The following CTNND2 variants were observed in gnomAD, a reference collection of about 807,000 sequenced individuals.
The protein encoded by CTNND2 is catenin delta-2.
Under a neutral mutation model 144.4 loss-of-function variants are expected in CTNND2, and 22 were observed. That is an observed-to-expected ratio of 0.15 (90% confidence interval 0.11 to 0.22). The LOEUF (loss-of-function observed/expected upper bound fraction) is 0.22, where lower values mean the gene tolerates loss of function less well. CTNND2 is among the 10% of genes least tolerant of loss of function. The pLI is 1.00. For missense variants in CTNND2, 1,353 were observed against 1,618.8 expected (o/e 0.84, Z 2.82); for synonymous variants, 751 against 695.6 (o/e 1.08, Z -1.25).
intron 3 of CTNND2, among the ~76,000 whole-genome samples, chr5:11,514,178 C>A (rs958472732): frequency 4.3e-4 from 62 of 144,616 alleles, no homozygotes; most frequent in African/African-American, 1.6e-3. Flanking sequence ...CAGCAAGACC[C>A]TGTCTCAGAA....
At chr5:11,366,354 A>G (rs1756975660) in intron 7 of CTNND2, among the ~76,000 whole-genome samples, 1 of 152,188 alleles carries the variant, frequency 6.6e-6, no homozygotes, top group Non-Finnish European at 1.5e-5. Context: ...AAGTGGTGAG[A>G]ATTCTATGAA....
chr5:11,882,463 G>T (rs748000030), intron 1 of CTNND2, among the ~76,000 whole-genome samples: 1 of 151,390 alleles, frequency 6.6e-6, no homozygotes, highest in East Asian at 1.9e-4. Context: ...AAATAATAAG[G>T]GTCTAGTTTA....
At chr5:11,577,388 C>A (rs1317421123) in intron 2 of CTNND2, among the ~76,000 whole-genome samples, 1 of 152,126 alleles carries the variant, frequency 6.6e-6, no homozygotes. Flanking sequence ...AAATAGAATG[C>A]AAAGTAATGC....
chr5:11,327,909 A>C (rs1752695492), intron 9 of CTNND2, among the ~76,000 whole-genome samples: 1 of 152,222 alleles, frequency 6.6e-6, no homozygotes. Context: ...AGGTGTTAAC[A>C]AGTTTAAGTT....
intron 9 of CTNND2, among the ~76,000 whole-genome samples, chr5:11,256,456 C>T (rs1170433600): frequency 6.6e-6 from 1 of 152,130 alleles, no homozygotes; most frequent in Non-Finnish European, 1.5e-5. Context: ...ACAGTAAACT[C>T]CAGAGAGCAG....
intron 16 of CTNND2, among the ~76,000 whole-genome samples, chr5:11,081,096 A>ACACACACACT (rs1749519772): frequency 6.6e-6 from 1 of 151,484 alleles, no homozygotes; most frequent in Non-Finnish European, 1.5e-5. Flanking sequence ...ACACACACAC[A>ACACACACACT]CACACACACA....
intron 2 of CTNND2, among the ~76,000 whole-genome samples, chr5:11,719,466 A>G (rs1388296222): frequency 6.6e-6 from 1 of 152,204 alleles, no homozygotes. Context: ...TCCTAACGCT[A>G]CATAATAAAT....
At chr5:11,391,005 G>A (rs1402705359) in intron 6 of CTNND2, among the ~76,000 whole-genome samples, 1 of 152,156 alleles carries the variant, frequency 6.6e-6, no homozygotes, top group Non-Finnish European at 1.5e-5. Flanking sequence ...CCACAGAGGA[G>A]TCAAAATGTG....
intron 3 of CTNND2, among the ~76,000 whole-genome samples, chr5:11,531,169 A>G (rs138020650): frequency 1.6e-3 from 243 of 152,310 alleles, no homozygotes; most frequent in African/African-American, 5.3e-3. Flanking sequence ...GTGTCTCCAG[A>G]AAAGGACACC....
At chr5:11,757,207 C>T (rs1010760617) in intron 1 of CTNND2, among the ~76,000 whole-genome samples, 1 of 150,880 alleles carries the variant, frequency 6.6e-6, no homozygotes, top group Non-Finnish European at 1.5e-5. Flanking sequence ...ACACACATAA[C>T]AAAAATGTGA....
intron 1 of CTNND2, among the ~76,000 whole-genome samples, chr5:11,875,158 G>T (rs1348551693): frequency 3.9e-5 from 6 of 152,106 alleles, no homozygotes. Context: ...TTTCTAAATT[G>T]TTCAATCATT....
At chr5:11,863,809 A>T (rs376684951) in intron 1 of CTNND2, among the ~76,000 whole-genome samples, 2 of 152,220 alleles carry the variant, frequency 1.3e-5, no homozygotes, top group East Asian at 3.8e-4. Context: ...AGTCTGATGC[A>T]GTGTTGTCTG....
At chr5:11,790,524 G>A (rs1046229933) in intron 1 of CTNND2, among the ~76,000 whole-genome samples, 4 of 152,128 alleles carry the variant, frequency 2.6e-5, no homozygotes, top group African/African-American at 9.7e-5. Flanking sequence ...TAATGACTGA[G>A]TAAGGTAATG....
In CTNND2 at chr5:11,681,464, C is replaced by A. The variant is rs192985909; in HGVS notation, c.174+50672G>T. ...CCCTTTCTCTTTCTTGGTTTGTCTT[C>A]TTCAGCAGCCCTGATCTTGCTATTT... is the stretch of plus-strand genomic sequence containing the variant. On this transcript the variant is annotated intron_variant, in intron 2 of 21. Transcript: ENST00000304623. Among the ~76,000 whole-genome samples, 3 of 152,300 alleles carry A rather than the reference C, an allele frequency of 2.0e-5. No individual in the cohort carries two copies. The East Asian group carries it at 5.8e-4, about 29-fold the overall frequency.
intron 8 of CTNND2, among the ~76,000 whole-genome samples, chr5:11,352,561 C>CA (rs1020510716): frequency 2.6e-5 from 4 of 151,796 alleles, no homozygotes; most frequent in African/African-American, 9.7e-5. Flanking sequence ...TAAACAACAA[C>CA]AAAAAAAATT....
chr5:11,371,893 A>T (rs951370834), intron 7 of CTNND2, among the ~76,000 whole-genome samples: 17 of 152,188 alleles, frequency 1.1e-4, no homozygotes, highest in African/African-American at 4.1e-4. Flanking sequence ...TTCCAGTGTA[A>T]CAGGCCATCT....
intron 18 of CTNND2, among the ~76,000 whole-genome samples, chr5:11,016,777 A>G (rs900946962): frequency 2.0e-5 from 3 of 147,386 alleles, no homozygotes; most frequent in Admixed American, 2.0e-4. Context: ...TCCCCTATAT[A>G]TTTTTTTTTT....
At chr5:11,143,575 C>G (rs1471612986) in intron 12 of CTNND2, among the ~76,000 whole-genome samples, 2 of 152,198 alleles carry the variant, frequency 1.3e-5, no homozygotes, top group Non-Finnish European at 2.9e-5. Flanking sequence ...AATGATCAGT[C>G]ACATTGGATT....
At chr5:11,011,513 C>T (rs367742385) in intron 18 of CTNND2, among the ~76,000 whole-genome samples, 23 of 152,210 alleles carry the variant, frequency 1.5e-4, no homozygotes, top group African/African-American at 5.1e-4. Flanking sequence ...CACCATGCCC[C>T]GCCTGAACTA....
Sources: allele counts gnomAD v4.1 joint callset (sites outside exome capture counted in the v4.1 genomes callset), GRCh38; gene constraint gnomAD v4.1.1; transcripts MANE v1.5; gene names NCBI Gene and HGNC (gene_info 2026-07-23, HGNC 2026-07-21).